PTK2: variants seen among roughly 807,000 people sequenced by gnomAD.
The protein encoded by PTK2 is focal adhesion kinase 1.
PTK2 carries 45 observed loss-of-function variants against 150.1 expected under a neutral mutation model. That is an observed-to-expected ratio of 0.30 (90% confidence interval 0.24 to 0.38). The LOEUF (loss-of-function observed/expected upper bound fraction) is 0.38, where lower values mean the gene tolerates loss of function less well. Ranked by LOEUF, PTK2 falls within the 10% of genes least tolerant of loss-of-function variation. The probability of loss-of-function intolerance (pLI) is 1.00; values close to 1 mark genes in which losing one functional copy is unlikely to be tolerated. For synonymous variants in PTK2, 432 were observed against 449.2 expected, an observed-to-expected ratio of 0.96 and a Z score of 0.48; for missense variants, 919 against 1,307.3, an observed-to-expected ratio of 0.70 and a Z score of 4.58.
intron 9 of PTK2, 88 bp from the exon 10 acceptor site, chr8:140,818,442 C>A: frequency 1.7e-6 from 2 of 1,151,700 alleles, no homozygotes; most frequent in South Asian, 1.3e-5. Context: ...GTTAAAGGAC[C>A]AAAGCAGGGG....
intron 14 of PTK2, 76 bp from the exon 17 acceptor site, chr8:140,764,366 C>T (rs758363992): frequency 1.8e-5 from 20 of 1,114,840 alleles, no homozygotes; most frequent in African/African-American, 1.4e-4. Context: ...TTAAAGTAGG[C>T]AAAGCGATCT....
intron 7 of PTK2, 36 bp from the exon 8 acceptor site, chr8:140,830,562 C>A: frequency 8.3e-7 from 1 of 1,201,770 alleles, no homozygotes; most frequent in Non-Finnish European, 1.2e-6. Flanking sequence ...ACAAATAACA[C>A]CACCAAATCA....
intron 1 of PTK2, among the ~76,000 whole-genome samples, chr8:140,942,613 CTAA>C (rs2100176207): frequency 7.4e-6 from 1 of 135,816 alleles, no homozygotes; most frequent in African/African-American, 2.5e-5. Flanking sequence ...AATTTGAGCT[CTAA>C]TGAGTGCGTG....
chr8:140,689,780 T>C (rs1428723986), intron 26 of PTK2, among the ~76,000 whole-genome samples: 2 of 152,206 alleles, frequency 1.3e-5, no homozygotes, highest in Admixed American at 6.5e-5. Flanking sequence ...TGTACCATTC[T>C]TGTAACTTTA....
intron 16 of PTK2, among the ~76,000 whole-genome samples, chr8:140,759,414 G>T (rs752144504): frequency 7.3e-5 from 11 of 150,948 alleles, no homozygotes; most frequent in Non-Finnish European, 1.5e-4. Flanking sequence ...CACACTTGTA[G>T]TCCCAGCTAC....
At chr8:140,694,997 T>C (rs947267376) in intron 26 of PTK2, among the ~76,000 whole-genome samples, 1 of 152,184 alleles carries the variant, frequency 6.6e-6, no homozygotes, top group African/African-American at 2.4e-5. Context: ...TGCGGCTGTC[T>C]AAAAATCTGC....
At chr8:140,780,992 A>G (rs2100081348) in intron 14 of PTK2, among the ~76,000 whole-genome samples, 1 of 152,214 alleles carries the variant, frequency 6.6e-6, no homozygotes, top group African/African-American at 2.4e-5. Flanking sequence ...CAAAATTCAA[A>G]AGCATAGTAG....
chr8:140,932,759 TAAC>T (rs2100172306), intron 1 of PTK2, among the ~76,000 whole-genome samples: 1 of 152,164 alleles, frequency 6.6e-6, no homozygotes, highest in Non-Finnish European at 1.5e-5. Flanking sequence ...GGATCCTGAC[TAAC>T]AGCAGCAGAG....
intron 2 of PTK2, among the ~76,000 whole-genome samples, chr8:140,904,413 G>A (rs535876451): frequency 6.6e-6 from 1 of 152,226 alleles, no homozygotes; most frequent in Admixed American, 6.5e-5. Context: ...ATTTTATTGA[G>A]GATTTTCGCA....
chr8:140,780,154 G>A (rs1385755982), intron 14 of PTK2, among the ~76,000 whole-genome samples: 1 of 152,164 alleles, frequency 6.6e-6, no homozygotes, highest in Non-Finnish European at 1.5e-5. Flanking sequence ...GTGAGGGAAC[G>A]CTGTCTCTAG....
chr8:140,699,961 TAA>T (rs1264316676), intron 26 of PTK2, among the ~76,000 whole-genome samples: 4 of 152,320 alleles, frequency 2.6e-5, no homozygotes, highest in South Asian at 2.1e-4. Context: ...CTGAAAATGT[TAA>T]GTGTGTTTTT....
chr8:140,817,556 C>T (rs1198173601), intron 10 of PTK2, among the ~76,000 whole-genome samples: 1 of 152,174 alleles, frequency 6.6e-6, no homozygotes. Flanking sequence ...AGTACACCCA[C>T]CCTCACACTG....
intron 17 of PTK2, among the ~76,000 whole-genome samples, chr8:140,749,438 A>G (rs1047572887): frequency 6.6e-6 from 1 of 152,240 alleles, no homozygotes; most frequent in Non-Finnish European, 1.5e-5. Context: ...CAAGGCTAAG[A>G]GAGTCTTGTG....
intron 17 of PTK2, among the ~76,000 whole-genome samples, chr8:140,749,928 G>C (rs2100061704): frequency 6.6e-6 from 1 of 152,134 alleles, no homozygotes; most frequent in Admixed American, 6.5e-5. Context: ...TCACAACATA[G>C]TAACTGTTCA....
intron 7 of PTK2, among the ~76,000 whole-genome samples, chr8:140,844,127 T>C (rs2100123915): frequency 6.6e-6 from 1 of 152,176 alleles, no homozygotes; most frequent in African/African-American, 2.4e-5. Flanking sequence ...GGGTTTTTAT[T>C]ATGAGGAAGG....
At chr8:140,697,338 T>C (rs763169759) in intron 26 of PTK2, among the ~76,000 whole-genome samples, 2 of 150,630 alleles carry the variant, frequency 1.3e-5, no homozygotes, top group Admixed American at 6.6e-5. Context: ...CACCACATAG[T>C]GAGAAGTATT....
chr8:140,741,865 A>G (rs2100055875), intron 20 of PTK2, among the ~76,000 whole-genome samples: 1 of 152,198 alleles, frequency 6.6e-6, no homozygotes, highest in South Asian at 2.1e-4. Flanking sequence ...GAGGCTGGAC[A>G]TGATGGTTCA....
intron 1 of PTK2, among the ~76,000 whole-genome samples, chr8:140,961,249 C>T (rs1181750495): frequency 6.6e-6 from 1 of 152,174 alleles, no homozygotes; most frequent in Non-Finnish European, 1.5e-5. Context: ...TATATAGCCA[C>T]ACAATTTGTT....
chr8:140,799,748 A>G (rs1424390996), intron 12 of PTK2, among the ~76,000 whole-genome samples: 1 of 152,226 alleles, frequency 6.6e-6, no homozygotes, highest in Non-Finnish European at 1.5e-5. Context: ...GTGTTTGACC[A>G]GATGACAGAA....
Sources: gnomAD v4.1 joint callset for allele counts (sites outside exome capture counted in the v4.1 genomes callset) on GRCh38, gnomAD v4.1.1 for gene constraint, MANE v1.5 for transcripts, NCBI Gene and HGNC (gene_info 2026-07-23, HGNC 2026-07-21) for gene names.